Variants in FOXO3B observed in about 807,000 individuals in gnomAD.
The protein encoded by FOXO3B is forkhead box protein O3B.
A neutral mutation model predicts 21.9 loss-of-function variants in FOXO3B; 15 were observed. The ratio of observed to expected loss-of-function variants is 0.68; its 90% CI spans 0.46 to 1.05. FOXO3B has a LOEUF of 1.05. FOXO3B is among the 50% of genes least tolerant of loss of function. The probability of loss-of-function intolerance (pLI) is 0.00; values close to 1 mark genes in which losing one functional copy is unlikely to be tolerated. For synonymous variants in FOXO3B, 135 were observed against 213.6 expected (o/e 0.63, Z 3.21); for missense variants, 293 against 435.5 (o/e 0.67, Z 2.91).
intron 3 of FOXO3B, chr17:18,677,858 G>A: frequency 4.3e-6 from 4 of 938,270 alleles, no homozygotes; most frequent in Non-Finnish European, 6.1e-6. Flanking sequence ...GGTCGGGGAG[G>A]GTACAGGGGG....
In FOXO3B at chr17:18,671,328, A is replaced by G; in HGVS notation, c.*981T>C. On this transcript the variant is annotated 3_prime_UTR_variant, in exon 4 of 4. Transcript: ENST00000395675. The stretch of plus-strand genomic sequence containing the variant: ...CTGGGTTTGGTGCTGGTGGTGGAGC[A>G]AGTTCTGATTGACCACACTTCCCTG... 1 of 1,613,422 alleles carries G rather than the reference A, an allele frequency of 6.2e-7. No individual in the cohort carries two copies. The highest frequency in any genetic ancestry group is 8.5e-7 in the Non-Finnish European group (1 of 1,179,792).
Position 18,671,103 on chromosome 17 carries a change from G to C in FOXO3B, c.*1206C>G. On this transcript the variant is annotated 3_prime_UTR_variant, in exon 4 of 4. Coordinates refer to ENST00000395675, the MANE Select transcript of FOXO3B (RefSeq NM_001368135.1). ...GAACATGTCCAGGTCCAAGTCGCTG[G>C]GGAACTTCTCATGGCCCATGACGGG... The C allele has an allele frequency of 1.1e-6, 1 of 934,108 alleles. No individual in the cohort carries two copies. Among genetic ancestry groups the C allele is most frequent in the Non-Finnish European group, 1.7e-6 (1 of 582,364 alleles). 57.9% of individuals were successfully genotyped at this position (934,108 alleles called of 1,614,324 possible). A position where few individuals can be genotyped will look rare whatever the true frequency, so the allele number is the denominator to read the frequency against.
In FOXO3B at chr17:18,671,439, G is replaced by C; in HGVS notation, c.*870C>G. 2 of 1,569,102 alleles carry C rather than the reference G, an allele frequency of 1.3e-6. No homozygotes were observed. The highest frequency in any genetic ancestry group is 1.8e-6 in the Non-Finnish European group (2 of 1,140,296). ...ATTCTGGGCAGACACAGCGGTGCTG[G>C]CCTGAGACATCAAGGGGTCCGACTG... On this transcript the variant is annotated 3_prime_UTR_variant, in exon 4 of 4. Transcript: ENST00000395675.
chr17:18,679,908 C>T (rs1567892120), intron 3 of FOXO3B, among the ~76,000 whole-genome samples: 3 of 151,522 alleles, frequency 2.0e-5, no homozygotes, highest in South Asian at 2.1e-4. Context: ...GGTGCGATCT[C>T]GGCTTACTGC....
At position 18,672,208 on chromosome 17, in the gene FOXO3B, C is replaced by G. The variant is rs537687173; in HGVS notation, c.*101G>C. 1.1e-4 allele frequency: 179 copies of G among 1,613,672 alleles called. 2 individuals are homozygous for G. In the South Asian group the frequency reaches 1.6e-3, roughly 14 times the overall value. On this transcript the variant is annotated 3_prime_UTR_variant, in exon 4 of 4. Transcript: ENST00000395675. This position sits in a 1 kb window ranked among gnomAD's most constrained non-coding sequence, Gnocchi z 4.2. ...CCGGGGGGCTTTTCCGCTCTTCCCC[C>G]CATCAGGGTTGATGATCCACCAAGA...
Position 18,668,033 on chromosome 17 carries a change from G to A in FOXO3B, c.*4276C>T, listed in dbSNP as rs976040868. On this transcript the variant is annotated 3_prime_UTR_variant, in exon 4 of 4. Coordinates refer to ENST00000395675, the MANE Select transcript of FOXO3B (RefSeq NM_001368135.1). ...ACGGCTGGCCTGTCCTGAAAGCAGG[G>A]TCTCAATATAAGGGGCGGAAGGCTC... The A allele has an allele frequency of 2.0e-5, 3 of 152,390 alleles. No individual in the cohort carries two copies. Among genetic ancestry groups the A allele is most frequent in the South Asian group, 2.1e-4 (1 of 4,830 alleles). The allele number at this position is 152,390 out of a possible 1,614,324, so 9.4% of individuals were successfully genotyped here.
In FOXO3B at chr17:18,677,271, C is replaced by T. The variant is rs1486101942; in HGVS notation, c.126+3470G>A. On this transcript the variant is annotated intron_variant, in intron 3 of 3. Transcript: ENST00000395675. The stretch of plus-strand genomic sequence containing the variant: ...ACTTGTATGTATACAAGGTCTGTTC[C>T]GCATGAAACTCCTGCTGGGGAAGGA... 12 of 1,612,196 alleles carry T rather than the reference C, an allele frequency of 7.4e-6. 1 individual carries two copies. Among genetic ancestry groups the T allele is most frequent in the East Asian group, 6.7e-5 (3 of 44,874 alleles).
At chr17:18,675,907 TA>T (rs199630556) in intron 3 of FOXO3B, among the ~76,000 whole-genome samples, 3 of 151,818 alleles carry the variant, frequency 2.0e-5, no homozygotes, top group Non-Finnish European at 2.9e-5. Context: ...AAGCAATATT[TA>T]AAAAAAAATT....
chr17:18,680,890 T>C (rs1264607840), intron 2 of FOXO3B, 61 bp from the exon 3 acceptor site: 3 of 1,538,462 alleles, frequency 1.9e-6, no homozygotes, highest in Non-Finnish European at 2.7e-6. Flanking sequence ...AGATTTAAAG[T>C]CTAAAAACCG....
intron 3 of FOXO3B, among the ~76,000 whole-genome samples, chr17:18,674,047 A>G (rs1381624496): frequency 6.6e-6 from 1 of 152,010 alleles, no homozygotes; most frequent in Non-Finnish European, 1.5e-5. Context: ...TATTTTAGAC[A>G]TTCAGTTTTA....
rs1431229576 is a variant in FOXO3B at position 18,669,645 on chromosome 17, A to G, written c.*2664T>C. 1.3e-5 allele frequency among the ~76,000 whole-genome samples: 2 copies of G among 152,246 alleles called. No homozygotes were observed. The highest frequency in any genetic ancestry group is 2.4e-5 in the African/African-American group (1 of 41,466). On this transcript the variant is annotated 3_prime_UTR_variant, in exon 4 of 4. Coordinates refer to ENST00000395675, the MANE Select transcript of FOXO3B (RefSeq NM_001368135.1). ...AATGAAATCCACAGAAGCAGAAAAA[A>G]AAGTTAAAACTGCCCTATTTTGTAC...
chr17:18,674,773 A>T (rs767383678), intron 3 of FOXO3B, among the ~76,000 whole-genome samples: 1 of 152,076 alleles, frequency 6.6e-6, no homozygotes, highest in Non-Finnish European at 1.5e-5. Context: ...TGCTAAATAA[A>T]TTTTTACTGG....
At chr17:18,678,960 G>A (rs1329209552) in intron 3 of FOXO3B, among the ~76,000 whole-genome samples, 1 of 151,760 alleles carries the variant, frequency 6.6e-6, no homozygotes, top group Non-Finnish European at 1.5e-5. Context: ...CAGCACTTCT[G>A]CAAGAATGAC....
In FOXO3B at chr17:18,672,723, G is replaced by T; in HGVS notation, c.459C>A (p.Asp153Glu). The T allele has an allele frequency of 6.5e-7, 1 of 1,530,616 alleles. No homozygotes were observed. Among genetic ancestry groups the T allele is most frequent in the East Asian group, 2.4e-5 (1 of 41,000 alleles). 94.8% of individuals were successfully genotyped at this position (1,530,616 alleles called of 1,614,324 possible). A position where few individuals can be genotyped will look rare whatever the true frequency, so the allele number is the denominator to read the frequency against. Residue 153 changes from aspartate (D) to glutamate (E), a missense_variant, in exon 4 of 4, where the codon GAC (aspartate) becomes GAA (glutamate). Around this residue, in one of 2 missense-constraint regions of FOXO3B, gnomAD observed 251 missense variants for 404.0 expected, o/e 0.62. Transcript: ENST00000395675. The surrounding 1 kb of genome is among the most constrained non-coding windows in gnomAD (Gnocchi z 4.2). The stretch of plus-strand genomic sequence containing the variant: ...TGGCCGAGCCGGCCCGTCCCCCGCC[G>T]TCCTCGTCGTCTTCATCGTCCTCCT... ...PEEEDDEDDEDGGGRAGSAMA... is the reference protein window; with the variant it reads ...PEEEDDEDDEEGGGRAGSAMA...
rs2032365372 is a variant in FOXO3B at position 18,671,641 on chromosome 17, A to T, written c.*668T>A. ...GGTCCAAACACCGTGCTGTTAAAGGAGCTGGTTGGGGAGCTCAGGCCCGAG... is the reference window on the plus strand; with the variant it reads ...GGTCCAAACACCGTGCTGTTAAAGGTGCTGGTTGGGGAGCTCAGGCCCGAG... On this transcript the variant is annotated 3_prime_UTR_variant, in exon 4 of 4. Coordinates refer to ENST00000395675, the MANE Select transcript of FOXO3B (RefSeq NM_001368135.1). The T allele has an allele frequency of 1.2e-6, 2 of 1,613,858 alleles. No individual in the cohort carries two copies. Among genetic ancestry groups the T allele is most frequent in the East Asian group, 2.2e-5 (1 of 44,876 alleles).
chr17:18,672,618 G>C lies in FOXO3B; in HGVS notation c.564C>G (p.Pro188=), dbSNP rs1353653420. Residue 188 remains proline (P), a synonymous_variant, in exon 4 of 4, where the codon CCC becomes CCG. Transcript: ENST00000395675. This position sits in a 1 kb window ranked among gnomAD's most constrained non-coding sequence, Gnocchi z 4.2. ...GCCCAGACCCGGGGTCTTGCCCTCC[G>C]GGTGCCAGCACCCGGACCGAGTCCT... ...LLEDSVRVLA[P]GGQDPGSGPA... 3.5e-6 allele frequency: 5 copies of C among 1,441,872 alleles called. No individual in the cohort carries two copies. The East Asian group carries it at 1.3e-4, about 38-fold the overall frequency. The allele number at this position is 1,441,872 out of a possible 1,614,324, so 89.3% of individuals were successfully genotyped here. A position where few individuals can be genotyped will look rare whatever the true frequency, so the allele number is the denominator to read the frequency against.
rs571977216 is a variant in FOXO3B at position 18,671,335 on chromosome 17, G to T, written c.*974C>A. 1 of 1,613,756 alleles carries T rather than the reference G, an allele frequency of 6.2e-7. No homozygotes were observed. Among genetic ancestry groups the T allele is most frequent in the African/African-American group, 1.3e-5 (1 of 74,960 alleles). ...TGGTGCTGGTGGTGGAGCAAGTTCT[G>T]ATTGACCACACTTCCCTGGTTAGGC... On this transcript the variant is annotated 3_prime_UTR_variant, in exon 4 of 4. Coordinates refer to ENST00000395675, the MANE Select transcript of FOXO3B (RefSeq NM_001368135.1).
At position 18,670,621 on chromosome 17, in the gene FOXO3B, G is replaced by A. The variant is rs550210825; in HGVS notation, c.*1688C>T. ...GCTCTGAACGAGGGTGGGTGGTGCT[G>A]AGGGGTGCTGTCCTCCACTGGCAGG... is the stretch of plus-strand genomic sequence containing the variant. On this transcript the variant is annotated 3_prime_UTR_variant, in exon 4 of 4. Coordinates refer to ENST00000395675, the MANE Select transcript of FOXO3B (RefSeq NM_001368135.1). Among the ~76,000 whole-genome samples, 1 of 152,350 alleles carries A rather than the reference G, an allele frequency of 6.6e-6. No individual in the cohort carries two copies. Among genetic ancestry groups the A allele is most frequent in the East Asian group, 1.9e-4 (1 of 5,190 alleles).
At chr17:18,675,392 C>T (rs2032465715) in intron 3 of FOXO3B, among the ~76,000 whole-genome samples, 1 of 151,476 alleles carries the variant, frequency 6.6e-6, no homozygotes, top group Admixed American at 6.6e-5. Flanking sequence ...GACCTCTTAA[C>T]AGATCACTAT....
Sources: allele counts gnomAD v4.1 joint callset (sites outside exome capture counted in the v4.1 genomes callset), GRCh38; gene constraint gnomAD v4.1.1; regional missense constraint gnomAD v4.1.1; non-coding constraint Gnocchi (gnomAD v3.1); transcripts MANE v1.5; gene names NCBI Gene and HGNC (gene_info 2026-07-23, HGNC 2026-07-21).